The following DNM1L variants were observed in gnomAD, a reference collection of about 807,000 sequenced individuals.
DNM1L encodes the protein dynamin-1-like protein.
Under a neutral mutation model 92.8 loss-of-function variants are expected in DNM1L, and 33 were observed. The observed-to-expected ratio is 0.36, with a 90% CI of 0.27 to 0.48. DNM1L has a LOEUF of 0.48. DNM1L is among the 20% of genes least tolerant of loss of function. The pLI is 0.99. For synonymous variants in DNM1L, 284 were observed against 305.0 expected (o/e 0.93, Z 0.72); for missense variants, 485 against 888.8 (o/e 0.55, Z 5.78).
intron 1 of DNM1L, among the ~76,000 whole-genome samples, chr12:32,691,352 C>T (rs963081515): frequency 3.9e-5 from 6 of 152,114 alleles, no homozygotes; most frequent in African/African-American, 1.4e-4. Context: ...GATTCTCCTG[C>T]CTCAGCCTCC....
intron 18 of DNM1L, 103 bp from the exon 19 acceptor site, chr12:32,742,486 G>A: frequency 1.5e-6 from 2 of 1,357,882 alleles, no homozygotes; most frequent in Non-Finnish European, 2.1e-6. Context: ...ATCCAAAGTA[G>A]TAGTGTTCTT....
intron 6 of DNM1L, among the ~76,000 whole-genome samples, chr12:32,714,797 G>A (rs1354241421): frequency 6.6e-6 from 1 of 151,008 alleles, no homozygotes; most frequent in East Asian, 2.0e-4. Context: ...GACCAGCCTG[G>A]GCAGCAAAGT....
chr12:32,719,743 C>T (rs899550680), intron 7 of DNM1L, among the ~76,000 whole-genome samples: 3 of 152,112 alleles, frequency 2.0e-5, no homozygotes, highest in Non-Finnish European at 4.4e-5. Flanking sequence ...TGTCTAATTA[C>T]GTTTTAGACA....
intron 9 of DNM1L, among the ~76,000 whole-genome samples, chr12:32,724,530 C>T (rs111703250): frequency 0.16 from 22,108 of 138,866 alleles, 1,800 homozygotes; most frequent in Middle Eastern, 0.24. Flanking sequence ...GAGCTGAGAT[C>T]GCACCACTGC....
intron 9 of DNM1L, among the ~76,000 whole-genome samples, chr12:32,729,794 A>G (rs1367103906): frequency 1.3e-5 from 2 of 152,174 alleles, no homozygotes; most frequent in Non-Finnish European, 2.9e-5. Flanking sequence ...TGCCTATTGT[A>G]GATATTTCAT....
intron 19 of DNM1L, 89 bp from the exon 20 acceptor site, chr12:32,743,265 C>CAT: frequency 8.6e-7 from 1 of 1,158,432 alleles, no homozygotes; most frequent in Non-Finnish European, 1.3e-6. Flanking sequence ...AAACCTACCA[C>CAT]ATATATATTG....
At chr12:32,713,619 AT>A (rs1953226056) in intron 6 of DNM1L, among the ~76,000 whole-genome samples, 1 of 152,204 alleles carries the variant, frequency 6.6e-6, no homozygotes, top group African/African-American at 2.4e-5. Flanking sequence ...TTTAAAAATA[AT>A]ACGGTGGCTT....
chr12:32,739,387 T>G (rs1468131327), intron 16 of DNM1L, among the ~76,000 whole-genome samples: 1 of 152,228 alleles, frequency 6.6e-6, no homozygotes, highest in Non-Finnish European at 1.5e-5. Context: ...ACAAAAGCAC[T>G]TGTGATTAAT....
intron 5 of DNM1L, chr12:32,711,395 A>G (rs1425108942): frequency 1.4e-5 from 3 of 210,380 alleles, no homozygotes; most frequent in African/African-American, 7.0e-5. Flanking sequence ...CGGCATTCAA[A>G]TATCTCCAGA....
chr12:32,694,229 G>A (rs1952341618), intron 1 of DNM1L, among the ~76,000 whole-genome samples: 1 of 152,140 alleles, frequency 6.6e-6, no homozygotes, highest in Non-Finnish European at 1.5e-5. Context: ...GGGACTACAG[G>A]TGCGTGCCAC....
At chr12:32,722,681 C>A in intron 9 of DNM1L, 48 bp downstream of exon 9, 3 of 1,421,008 alleles carry the variant, frequency 2.1e-6, no homozygotes, top group South Asian at 1.2e-5. Flanking sequence ...ATTGCTAGGT[C>A]ACTTTTCCTT....
chr12:32,744,736 C>A lies in DNM1L; in HGVS notation c.*1326C>A. ...CTCAAAAAAAAAAAATAAAACAACA[C>A]CCAGATAGATACACATACTCCTTCA... is the stretch of plus-strand genomic sequence containing the variant. On this transcript the variant is annotated 3_prime_UTR_variant, in exon 20 of 20. Coordinates refer to ENST00000549701, the MANE Select transcript of DNM1L (RefSeq NM_012062.5). 2.7e-6 allele frequency: 1 copy of A among 376,606 alleles called. No homozygotes were observed. Among genetic ancestry groups the A allele is most frequent in the African/African-American group, 2.2e-5 (1 of 45,982 alleles). The allele number at this position is 376,606 out of a possible 1,614,324, so 23.3% of individuals were successfully genotyped here. A position where few individuals can be genotyped will look rare whatever the true frequency, so the allele number is the denominator to read the frequency against.
At chr12:32,705,920 T>C (rs1187352252) in intron 2 of DNM1L, 1 of 1,482,004 alleles carries the variant, frequency 6.7e-7, no homozygotes, top group Non-Finnish European at 9.3e-7. Context: ...GCATGTGTGC[T>C]TATGTACTAT....
chr12:32,702,567 A>C (rs1410298470), intron 2 of DNM1L, among the ~76,000 whole-genome samples: 1 of 152,132 alleles, frequency 6.6e-6, no homozygotes, highest in African/African-American at 2.4e-5. Flanking sequence ...ATGCAGTTTT[A>C]TTCTACTTCT....
At chr12:32,696,448 A>G (rs1952468363) in intron 1 of DNM1L, among the ~76,000 whole-genome samples, 1 of 151,626 alleles carries the variant, frequency 6.6e-6, no homozygotes, top group African/African-American at 2.4e-5. Flanking sequence ...ACACGCATGC[A>G]TGCACACGCT....
rs1372687947 is a variant in DNM1L at position 32,717,942 on chromosome 12, A to T, written c.620-701A>T. On this transcript the variant is annotated intron_variant, in intron 6 of 19. Coordinates refer to ENST00000549701, the MANE Select transcript of DNM1L (RefSeq NM_012062.5). ...TATAGTATATATTTTATATATATAT[A>T]AAATATAGTATATATAGTATATATA... Among the ~76,000 whole-genome samples the T allele has an allele frequency of 7.8e-5, 7 of 90,108 alleles. No homozygotes were observed. The East Asian group carries it at 1.2e-3, about 16-fold the overall frequency. 59.1% of individuals were successfully genotyped at this position (90,108 alleles called of 152,430 possible).
At chr12:32,692,175 T>C (rs1434061916) in intron 1 of DNM1L, among the ~76,000 whole-genome samples, 1 of 152,204 alleles carries the variant, frequency 6.6e-6, no homozygotes, top group Non-Finnish European at 1.5e-5. Flanking sequence ...AAAATTTTGC[T>C]CATTCCATTC....
chr12:32,713,289 C>T lies in DNM1L; in HGVS notation c.537C>T (p.Ser179=). Residue 179 remains serine (S), a synonymous_variant, in exon 6 of 20, where the codon TCC becomes TCT. Coordinates refer to ENST00000549701, the MANE Select transcript of DNM1L (RefSeq NM_012062.5). Reference sequence around the variant, plus strand: ...TTCGGTTCATCAGTAATCCTAATTCCATTATCCTCGCTGTCACTGCTGCTA... The same window carrying T: ...TTCGGTTCATCAGTAATCCTAATTCTATTATCCTCGCTGTCACTGCTGCTA... The part of the protein sequence containing the change: ...LILRFISNPN[S]IILAVTAANT... 6.2e-7 allele frequency: 1 copy of T among 1,613,868 alleles called. No individual in the cohort carries two copies. The highest frequency in any genetic ancestry group is 8.5e-7 in the Non-Finnish European group (1 of 1,179,930).
intron 1 of DNM1L, among the ~76,000 whole-genome samples, chr12:32,690,072 GT>G (rs1952175475): frequency 1.3e-5 from 2 of 152,302 alleles, no homozygotes; most frequent in South Asian, 4.1e-4. Context: ...TAGAACTCTT[GT>G]AGCTACTCGA....
Sources: allele counts gnomAD v4.1 joint callset (sites outside exome capture counted in the v4.1 genomes callset), GRCh38; gene constraint gnomAD v4.1.1; transcripts MANE v1.5; gene names NCBI Gene and HGNC (gene_info 2026-07-23, HGNC 2026-07-21).